The following PGLYRP4 variants were observed in gnomAD, a reference collection of about 807,000 sequenced individuals.
PGLYRP4 encodes the protein PGRP-I-beta.
A neutral mutation model predicts 41.2 loss-of-function variants in PGLYRP4; 39 were observed. The observed-to-expected ratio is 0.95, with a 90% CI of 0.73 to 1.24. The LOEUF is 1.24. Ranked by LOEUF, PGLYRP4 falls within the 50% of genes most tolerant of loss-of-function variation. The pLI is 0.00. For synonymous variants in PGLYRP4, 202 were observed against 186.8 expected, an observed-to-expected ratio of 1.08 and a Z score of -0.66; for missense variants, 467 against 460.7, an observed-to-expected ratio of 1.01 and a Z score of -0.13.
In PGLYRP4 at chr1:153,347,963, G is replaced by A; in HGVS notation, c.-31C>T. ...CGTGGTCCCAGGACACCAATCTGGA[G>A]AGTGTGGATGGCAGCCTGAGAGAGA... On this transcript the variant is annotated 5_prime_UTR_variant, in exon 2 of 9. Coordinates refer to ENST00000359650, the MANE Select transcript of PGLYRP4 (RefSeq NM_020393.4). 6.3e-7 allele frequency: 1 copy of A among 1,584,602 alleles called. No homozygotes were observed. Among genetic ancestry groups the A allele is most frequent in the Non-Finnish European group, 8.7e-7 (1 of 1,154,396 alleles).
chr1:153,345,969 A>G, intron 3 of PGLYRP4, 133 bp downstream of exon 3: 1 of 732,290 alleles, frequency 1.4e-6, no homozygotes, highest in Non-Finnish European at 2.5e-6. Flanking sequence ...GTTTACTGGT[A>G]CTGCTCTCTG....
chr1:153,343,274 C>G, intron 4 of PGLYRP4, 66 bp from the exon 5 acceptor site: 1 of 1,019,112 alleles, frequency 9.8e-7, no homozygotes, highest in South Asian at 1.4e-5. Context: ...GGTGAAACCA[C>G]TTACCCAGCC....
Position 153,337,249 on chromosome 1 carries a change from A to T in PGLYRP4, c.875T>A (p.Val292Asp). ...GAIYEGVGWN[V>D]QGSSTPGYDD... ...GTAGCCAGGGGTGGAGGAGCCTTGG[A>T]CATTCCAGCCCACCCCTTCATAAAT... is the stretch of plus-strand genomic sequence containing the variant. Residue 292 changes from valine (V) to aspartate (D), a missense_variant, in exon 8 of 9, where the codon GTC becomes GAC. Physicochemically the swap from Val to Asp is radical, Grantham distance 152. Transcript: ENST00000359650. The T allele has an allele frequency of 6.2e-7, 1 of 1,613,758 alleles. No homozygotes were observed. The highest frequency in any genetic ancestry group is 8.5e-7 in the Non-Finnish European group (1 of 1,179,832).
rs776721222 is a variant in PGLYRP4 at position 153,345,316 on chromosome 1, C to A, written c.206G>T (p.Ser69Ile). The A allele has an allele frequency of 6.2e-7, 1 of 1,614,088 alleles. No homozygotes were observed. The highest frequency in any genetic ancestry group is 8.5e-7 in the Non-Finnish European group (1 of 1,180,034). Residue 69 changes from serine (S) to isoleucine (I), a missense_variant, in exon 4 of 9, where the codon AGT (serine) becomes ATT (isoleucine). Coordinates refer to ENST00000359650, the MANE Select transcript of PGLYRP4 (RefSeq NM_020393.4). ...ATTCACTGGCGTGGTCAGCTGAATACTGCAGCCAACAGCTTCTGCCCCCCA... is the reference window on the plus strand; with the variant it reads ...ATTCACTGGCGTGGTCAGCTGAATAATGCAGCCAACAGCTTCTGCCCCCCA... ...KAWGAEAVGC[S>I]IQLTTPVNVL...
intron 3 of PGLYRP4, 65 bp downstream of exon 3, chr1:153,346,037 A>G (rs995208756): frequency 5.7e-6 from 7 of 1,221,962 alleles, no homozygotes; most frequent in Middle Eastern, 1.9e-4. Context: ...CCTCAGAAAC[A>G]TTTCCGATCA....
Position 153,330,712 on chromosome 1 carries a change from C to T in PGLYRP4, c.*55G>A. The stretch of plus-strand genomic sequence containing the variant: ...GTTGAGCCAAGCTGGATGGTTAGGA[C>T]AGGAGAGACCTGACAGGGGAGGGAA... On this transcript the variant is annotated 3_prime_UTR_variant, in exon 9 of 9. Transcript: ENST00000359650. 9 of 1,508,374 alleles carry T rather than the reference C, an allele frequency of 6.0e-6. No homozygotes were observed. The highest frequency in any genetic ancestry group is 8.2e-6 in the Non-Finnish European group (9 of 1,093,318). The allele number at this position is 1,508,374 out of a possible 1,614,324, so 93.4% of individuals were successfully genotyped here.
rs1022387377 is a variant in PGLYRP4 at position 153,336,647 on chromosome 1, G to A, written c.943+534C>T. Among the ~76,000 whole-genome samples the A allele has an allele frequency of 3.3e-5, 5 of 152,204 alleles. No individual in the cohort carries two copies. The South Asian group carries it at 8.3e-4, about 25-fold the overall frequency. On this transcript the variant is annotated intron_variant, in intron 8 of 8. Transcript: ENST00000359650. ...AATGGGTACCATGTACACTACTCAG[G>A]TGATGGGTACACTGAAAGCCCAGAC... is the stretch of plus-strand genomic sequence containing the variant.
chr1:153,335,066 A>G (rs1660494801), intron 8 of PGLYRP4, among the ~76,000 whole-genome samples: 1 of 152,204 alleles, frequency 6.6e-6, no homozygotes. Flanking sequence ...AAAGACTTAA[A>G]TTTAAGATCT....
intron 8 of PGLYRP4, among the ~76,000 whole-genome samples, chr1:153,336,069 TGTA>T (rs1430539949): frequency 1.0e-4 from 14 of 135,762 alleles, no homozygotes. Context: ...TGTGTGTGTG[TGTA>T]CACCATAGAA....
At position 153,330,924 on chromosome 1, in the gene PGLYRP4, GCTGCAGCATTGGGTGGTATACC is replaced by G. The variant is rs1557820759; in HGVS notation, c.944-1_964del. On this transcript the variant is annotated splice_acceptor_variant and coding_sequence_variant, in exon 9 of 9. Coordinates refer to ENST00000359650, the MANE Select transcript of PGLYRP4 (RefSeq NM_020393.4). LOFTEE classifies it high-confidence loss of function. ...GATCAGGTCTTGGGCTGCCTCTAGT[GCTGCAGCATTGGGTGGTATACC>G]TGCAAAACACAGCAGCCCATTGTCT... is the stretch of plus-strand genomic sequence containing the variant. The G allele has an allele frequency of 6.8e-6, 11 of 1,613,810 alleles. No individual in the cohort carries two copies. The highest frequency in any genetic ancestry group is 9.3e-6 in the Non-Finnish European group (11 of 1,179,802).
intron 7 of PGLYRP4, among the ~76,000 whole-genome samples, chr1:153,338,018 C>A (rs1660638114): frequency 6.6e-6 from 1 of 152,176 alleles, no homozygotes; most frequent in African/African-American, 2.4e-5. Context: ...GCTCTCTTCT[C>A]CCCATACTCC....
rs985903706 is a variant in PGLYRP4 at position 153,337,899 on chromosome 1, T to C, written c.825-600A>G. On this transcript the variant is annotated intron_variant, in intron 7 of 8. Coordinates refer to ENST00000359650, the MANE Select transcript of PGLYRP4 (RefSeq NM_020393.4). ...TCTCCAAACACTCTCTTCCCTTAGCTTCCATCACACCACACTCTCTTGGCT... is the reference window on the plus strand; with the variant it reads ...TCTCCAAACACTCTCTTCCCTTAGCCTCCATCACACCACACTCTCTTGGCT... Among the ~76,000 whole-genome samples the C allele has an allele frequency of 2.6e-5, 4 of 152,124 alleles. No individual in the cohort carries two copies. In the South Asian group the frequency reaches 8.3e-4, roughly 32 times the overall value.
chr1:153,340,656 A>G, intron 6 of PGLYRP4, 77 bp from the exon 7 acceptor site: 1 of 1,439,570 alleles, frequency 6.9e-7, no homozygotes, highest in South Asian at 1.2e-5. Context: ...AGGCTGATAT[A>G]ATGCTCAGGA....
chr1:153,347,220 C>T (rs575641076), intron 2 of PGLYRP4, among the ~76,000 whole-genome samples: 8 of 151,000 alleles, frequency 5.3e-5, no homozygotes, highest in East Asian at 2.0e-4. Flanking sequence ...ACTACAGGAG[C>T]GCGCCAGATG....
chr1:153,345,086 G>C lies in PGLYRP4; in HGVS notation c.353+83C>G, dbSNP rs951377800. On this transcript the variant is annotated intron_variant, in intron 4 of 8. Coordinates refer to ENST00000359650, the MANE Select transcript of PGLYRP4 (RefSeq NM_020393.4). ...ATAGGACCACAACCCAGAAAATGAGGAAAAGGGATGAGAAGGGACAGGAGA... is the reference window on the plus strand; with the variant it reads ...ATAGGACCACAACCCAGAAAATGAGCAAAAGGGATGAGAAGGGACAGGAGA... 2.4e-5 allele frequency: 25 copies of C among 1,038,214 alleles called. No individual in the cohort carries two copies. In the African/African-American group the frequency reaches 3.1e-4, roughly 13 times the overall value. 64.3% of individuals were successfully genotyped at this position (1,038,214 alleles called of 1,614,324 possible).
Position 153,343,181 on chromosome 1 carries a change from C to T in PGLYRP4, c.381G>A (p.Val127=), listed in dbSNP as rs1660867915. Residue 127 remains valine, a synonymous_variant, in exon 5 of 9, where the codon GTG becomes GTA. Coordinates refer to ENST00000359650, the MANE Select transcript of PGLYRP4 (RefSeq NM_020393.4). ...YNFLVGDDGR[V]YEGVGWNIQG... ...GGATATTCCAGCCAACACCTTCATA[C>T]ACCCTGCCATCATCCCCAACCAGGA... The T allele has an allele frequency of 6.2e-7, 1 of 1,613,636 alleles. No homozygotes were observed. The highest frequency in any genetic ancestry group is 8.5e-7 in the Non-Finnish European group (1 of 1,179,558).
chr1:153,339,784 AG>A (rs1368602357), intron 7 of PGLYRP4, among the ~76,000 whole-genome samples: 2 of 149,410 alleles, frequency 1.3e-5, no homozygotes, highest in Admixed American at 6.7e-5. Flanking sequence ...GAAAAAAAAA[AG>A]AAATGTTTAC....
intron 6 of PGLYRP4, 131 bp downstream of exon 6, chr1:153,341,496 G>C: frequency 1.3e-6 from 1 of 799,918 alleles, no homozygotes; most frequent in Non-Finnish European, 2.0e-6. Flanking sequence ...AGAGTTCAGA[G>C]AGTTGGGTGG....
rs189111295 is a variant in PGLYRP4 at position 153,344,478 on chromosome 1, C to T, written c.353+691G>A. 2.9e-3 allele frequency among the ~76,000 whole-genome samples: 438 copies of T among 152,284 alleles called. 2 individuals are homozygous for T. The highest frequency in any genetic ancestry group is 9.7e-3 in the African/African-American group (403 of 41,576). The stretch of plus-strand genomic sequence containing the variant: ...CACCAAGCCCTGTCCCCCAGGAAGG[C>T]ATTCACTCCCTTTTGTCGTCAGGGG... On this transcript the variant is annotated intron_variant, in intron 4 of 8. Coordinates refer to ENST00000359650, the MANE Select transcript of PGLYRP4 (RefSeq NM_020393.4).
Sources: allele counts gnomAD v4.1 joint callset (sites outside exome capture counted in the v4.1 genomes callset), GRCh38; gene constraint gnomAD v4.1.1; transcripts MANE v1.5; gene names NCBI Gene and HGNC (gene_info 2026-07-23, HGNC 2026-07-21).